The following FCSK variants were observed in gnomAD, a reference collection of about 807,000 sequenced individuals.
FCSK encodes the protein fucose kinase.
A neutral mutation model predicts 122.5 loss-of-function variants in FCSK; 123 were observed. The observed-to-expected ratio is 1.00, with a 90% CI of 0.87 to 1.17. The LOEUF (loss-of-function observed/expected upper bound fraction) is 1.17. Ranked by LOEUF, FCSK falls within the 50% of genes most tolerant of loss-of-function variation. The probability of loss-of-function intolerance (pLI) is 0.00; values close to 1 mark genes in which losing one functional copy is unlikely to be tolerated. For missense variants in FCSK, 1,366 were observed against 1,450.4 expected, an observed-to-expected ratio of 0.94 and a Z score of 0.95; for synonymous variants, 620 against 625.5, an observed-to-expected ratio of 0.99 and a Z score of 0.13.
At chr16:70,463,148 C>G (rs1400804501) in intron 1 of FCSK, 21 bp from the exon 2 acceptor site, 3 of 1,378,156 alleles carry the variant, frequency 2.2e-6, no homozygotes, top group Non-Finnish European at 3.1e-6. Context: ...ATAGTCACAT[C>G]TACCCATATT....
rs767576348 is a variant in FCSK, at chr16:70,467,372, A to G, written c.485-2A>G. ...GAGCCTCCTGACTGCCCCACCCCAC[A>G]GGTATCAGCTGGGACAGCTTCCGGG... On this transcript the variant is annotated splice_acceptor_variant, in intron 6 of 23. Coordinates refer to ENST00000288078, the MANE Select transcript of FCSK (RefSeq NM_145059.3). LOFTEE classifies it high-confidence loss of function. 26 of 1,604,016 alleles carry G rather than the reference A, an allele frequency of 1.6e-5. No individual in the cohort carries two copies. The highest frequency in any genetic ancestry group is 2.3e-5 in the East Asian group (1 of 44,242).
At chr16:70,470,544 TG>T (rs2151718203) in intron 11 of FCSK, 118 bp downstream of exon 11, 1 of 677,000 alleles carries the variant, frequency 1.5e-6, no homozygotes, top group East Asian at 2.6e-5. Flanking sequence ...GGTGTTACCC[TG>T]GTTTACACAT....
Position 70,466,942 on chromosome 16 carries a change from C to T in FCSK, c.472C>T (p.Pro158Ser), listed in dbSNP as rs750196894. The change falls in exon 6 of 24, where the codon CCT (proline) becomes TCT (serine). Residue 158 changes from proline to serine, a missense_variant. Transcript: ENST00000288078. ...CAGCACCGACATGCTGCTGTCTGTT[C>T]CTGCAAATCCTGGTGAGCCTGAGAC... ...VCSTDMLLSV[P>S]ANPGISWDSF... The T allele has an allele frequency of 3.1e-6, 5 of 1,613,888 alleles. No individual in the cohort carries two copies. Among genetic ancestry groups the T allele is most frequent in the Admixed American group, 1.7e-5 (1 of 60,028 alleles).
At chr16:70,468,436 T>C (rs931078816) in intron 8 of FCSK, among the ~76,000 whole-genome samples, 1 of 151,990 alleles carries the variant, frequency 6.6e-6, no homozygotes, top group African/African-American at 2.4e-5. Flanking sequence ...CTGCCCGCTG[T>C]AAAACAAAAC....
At chr16:70,475,584 G>T in intron 19 of FCSK, 64 bp from the exon 20 acceptor site, 1 of 1,578,822 alleles carries the variant, frequency 6.3e-7, no homozygotes. Context: ...CCCTTAGACG[G>T]AGTCAGGCAG....
chr16:70,463,273 G>T lies in FCSK; in HGVS notation c.82+1G>T. ...GACAGTGTCCAGGTCTTTCAGAGAG[G>T]TAGGGGACTCCCCTTCCCACCTTGC... On this transcript the variant is annotated splice_donor_variant, in intron 2 of 23. Transcript: ENST00000288078. LOFTEE classifies it high-confidence loss of function. The T allele has an allele frequency of 6.2e-7, 1 of 1,612,358 alleles. No individual in the cohort carries two copies. The highest frequency in any genetic ancestry group is 2.2e-5 in the East Asian group (1 of 44,838).
chr16:70,460,691 C>T (rs1417785368), intron 1 of FCSK, among the ~76,000 whole-genome samples: 2 of 152,238 alleles, frequency 1.3e-5, no homozygotes, highest in Non-Finnish European at 2.9e-5. Flanking sequence ...ATGTGAGCCA[C>T]TGCGCCCAGG....
chr16:70,468,327 C>T (rs747162107), intron 8 of FCSK, among the ~76,000 whole-genome samples: 8 of 152,170 alleles, frequency 5.3e-5, no homozygotes, highest in Non-Finnish European at 1.5e-5. Flanking sequence ...GGTAGAGGCT[C>T]GAGAATCGCT....
chr16:70,475,387 C>T lies in FCSK; in HGVS notation c.2415C>T (p.Ile805=), dbSNP rs571027652. 5.0e-6 allele frequency: 8 copies of T among 1,610,660 alleles called. No individual in the cohort carries two copies. Among genetic ancestry groups the T allele is most frequent in the East Asian group, 2.2e-5 (1 of 44,854 alleles). Residue 805 remains isoleucine (I), a synonymous_variant, in exon 19 of 24, where the codon ATC becomes ATT. Transcript: ENST00000288078. ...AGGCGGCCTTCATCTGTGCAGGGATCGTGCATGTCCACTCGGAACTCCAGC... is the reference window on the plus strand; with the variant it reads ...AGGCGGCCTTCATCTGTGCAGGGATTGTGCATGTCCACTCGGAACTCCAGC... The part of the protein sequence containing the change: ...LLKAAFICAG[I]VHVHSELQLS...
intron 18 of FCSK, 107 bp from the exon 19 acceptor site, chr16:70,475,243 T>C (rs1384254328): frequency 7.4e-7 from 1 of 1,355,216 alleles, no homozygotes; most frequent in Non-Finnish European, 1.0e-6. Flanking sequence ...TGCTGGGCTT[T>C]TGTCCCACCG....
At position 70,470,954 on chromosome 16, in the gene FCSK, C is replaced by T. The variant is rs776696197; in HGVS notation, c.1069-17C>T. The T allele has an allele frequency of 2.3e-5, 36 of 1,562,566 alleles. No individual in the cohort carries two copies. Among genetic ancestry groups the T allele is most frequent in the Non-Finnish European group, 2.9e-5 (34 of 1,155,596 alleles). ...GGGCCTCGACCCCCCTCATGCTCCT[C>T]CTACCTGGCTGCACAGGAGCAGCAG... On this transcript the variant is annotated splice_polypyrimidine_tract_variant and intron_variant, in intron 11 of 23. Transcript: ENST00000288078.
At chr16:70,455,805 T>C (rs765605033) in intron 1 of FCSK, among the ~76,000 whole-genome samples, 5 of 150,738 alleles carry the variant, frequency 3.3e-5, no homozygotes, top group Non-Finnish European at 7.4e-5. Flanking sequence ...GGCAGGAGAA[T>C]CACTTTAACC....
Position 70,467,402 on chromosome 16 carries a change from C to G in FCSK, c.513C>G (p.Ala171=). 1 of 1,610,798 alleles carries G rather than the reference C, an allele frequency of 6.2e-7. No individual in the cohort carries two copies. The highest frequency in any genetic ancestry group is 8.5e-7 in the Non-Finnish European group (1 of 1,178,926). The change falls in exon 7 of 24, where the codon GCC becomes GCG. Residue 171 remains alanine, a synonymous_variant. Transcript: ENST00000288078. ...TCAGCTGGGACAGCTTCCGGGGAGCCAGAGTGATCGCCCTCCCAGGGAGCC... is the reference window on the plus strand; with the variant it reads ...TCAGCTGGGACAGCTTCCGGGGAGCGAGAGTGATCGCCCTCCCAGGGAGCC... ...PGISWDSFRG[A]RVIALPGSPA...
chr16:70,467,778 C>T (rs2048469567), intron 7 of FCSK, 108 bp from the exon 8 acceptor site: 7 of 908,598 alleles, frequency 7.7e-6, no homozygotes, highest in African/African-American at 1.6e-5. Context: ...GCCAGCCTTG[C>T]GTCCTCAGCT....
rs566732032 is a variant in FCSK, at chr16:70,469,848, T to C, written c.956-466T>C. 5.6e-4 allele frequency among the ~76,000 whole-genome samples: 85 copies of C among 150,908 alleles called. 1 individual carries two copies. In the South Asian group the frequency reaches 0.017, roughly 31 times the overall value. On this transcript the variant is annotated intron_variant, in intron 10 of 23. Transcript: ENST00000288078. ...ATGCCCGGCCCTAACCTGTCTGCTTTCTTTTTTTTTTTTTGAGACAGAGTA... is the reference window on the plus strand; with the variant it reads ...ATGCCCGGCCCTAACCTGTCTGCTTCCTTTTTTTTTTTTTGAGACAGAGTA...
chr16:70,456,828 G>A (rs1482404751), intron 1 of FCSK, among the ~76,000 whole-genome samples: 1 of 152,102 alleles, frequency 6.6e-6, no homozygotes, highest in Non-Finnish European at 1.5e-5. Context: ...AGACCAGCCT[G>A]GCCAGCATGG....
At position 70,474,888 on chromosome 16, in the gene FCSK, G is replaced by T; in HGVS notation, c.2254G>T (p.Ala752Ser). The T allele has an allele frequency of 6.2e-7, 1 of 1,605,806 alleles. No individual in the cohort carries two copies. Among genetic ancestry groups the T allele is most frequent in the Non-Finnish European group, 8.5e-7 (1 of 1,177,210 alleles). Residue 752 changes from alanine to serine, a missense_variant, in exon 18 of 24, where the codon GCA becomes TCA. Coordinates refer to ENST00000288078, the MANE Select transcript of FCSK (RefSeq NM_145059.3). Reference sequence around the variant, plus strand: ...CGGCCGCCGGCCCATCGGAGCCAGGGCACGCCGCATCCCGGAGCCTGAGCT... The same window carrying T: ...CGGCCGCCGGCCCATCGGAGCCAGGTCACGCCGCATCCCGGAGCCTGAGCT... ...VDGRRPIGAR[A>S]RRIPEPELWL...
chr16:70,478,660 T>A lies in FCSK; in HGVS notation c.2929+10T>A, dbSNP rs2048893488. The A allele has an allele frequency of 1.9e-6, 3 of 1,611,188 alleles. No individual in the cohort carries two copies. Among genetic ancestry groups the A allele is most frequent in the South Asian group, 2.2e-5 (2 of 90,962 alleles). On this transcript the variant is annotated intron_variant, in intron 22 of 23. Transcript: ENST00000288078. Reference sequence around the variant, plus strand: ...GAAGGCTTCCGCCAAGGTGAGGGGCTTCCTCTGGGGGGGTCAGGGCACTGG... The same window carrying A: ...GAAGGCTTCCGCCAAGGTGAGGGGCATCCTCTGGGGGGGTCAGGGCACTGG...
intron 1 of FCSK, among the ~76,000 whole-genome samples, chr16:70,458,163 C>CTT (rs35217051): frequency 5.0e-5 from 7 of 140,392 alleles, no homozygotes; most frequent in South Asian, 2.3e-4. Flanking sequence ...TTCTTTCTTT[C>CTT]TTTTTTTTTT....
Sources: allele counts gnomAD v4.1 joint callset (sites outside exome capture counted in the v4.1 genomes callset), GRCh38; gene constraint gnomAD v4.1.1; transcripts MANE v1.5; gene names NCBI Gene and HGNC (gene_info 2026-07-23, HGNC 2026-07-21).